Variants in IL7 observed in about 807,000 individuals in gnomAD.
IL7 encodes the protein interleukin 7, also known as interleukin-7.
IL7 carries 3 observed loss-of-function variants against 21.6 expected under a neutral mutation model. That is an observed-to-expected ratio of 0.14 (90% confidence interval 0.06 to 0.36). IL7 has a LOEUF of 0.36. Ranked by LOEUF, IL7 falls within the 10% of genes least tolerant of loss-of-function variation. The pLI is 1.00. For missense variants in IL7, 175 were observed against 200.2 expected (o/e 0.87, Z 0.76); for synonymous variants, 62 against 68.1 (o/e 0.91, Z 0.44).
chr8:78,750,580 T>G (rs975810814), intron 2 of IL7, among the ~76,000 whole-genome samples: 1 of 152,146 alleles, frequency 6.6e-6, no homozygotes, highest in Non-Finnish European at 1.5e-5. Context: ...TCCCAGCACT[T>G]TGAGAGGCCA....
intron 4 of IL7, chr8:78,678,425 T>C: frequency 3.1e-6 from 2 of 654,978 alleles, no homozygotes; most frequent in Non-Finnish European, 5.3e-6. Flanking sequence ...GCAAGGTGTA[T>C]CTTATTTATT....
chr8:78,773,152 G>T (rs1337473168), intron 2 of IL7, among the ~76,000 whole-genome samples: 1 of 152,040 alleles, frequency 6.6e-6, no homozygotes, highest in Non-Finnish European at 1.5e-5. Flanking sequence ...ACAAAGCACG[G>T]ACCAGTCCTG....
In IL7 at chr8:78,693,594, G is replaced by A. The variant is rs1586006045; in HGVS notation, n.215-7647C>T. On this transcript the variant is annotated intron_variant and non_coding_transcript_variant, in intron 3 of 4. Coordinates refer to the IL7 transcript ENST00000523959. ...TGATGGGGTTGTTTGTTTTTTTCTT[G>A]TAAATTTGTTGGAGTTCATTGTAGA... Among the ~76,000 whole-genome samples the A allele has an allele frequency of 2.0e-5, 3 of 151,998 alleles. No homozygotes were observed. In the South Asian group the frequency reaches 6.2e-4, roughly 32 times the overall value.
chr8:78,682,994 C>T (rs1563623936), intron 4 of IL7, among the ~76,000 whole-genome samples: 1 of 152,346 alleles, frequency 6.6e-6, no homozygotes, highest in East Asian at 1.9e-4. Flanking sequence ...CCTTTGACTC[C>T]ATGTCTCACA....
At chr8:78,712,108 T>G in intron 3 of IL7, 1 of 1,273,016 alleles carries the variant, frequency 7.9e-7, no homozygotes. Context: ...TATTTACAAG[T>G]AAGTATTTGT....
At chr8:78,792,830 C>T (rs1019584370) in intron 2 of IL7, among the ~76,000 whole-genome samples, 10 of 152,024 alleles carry the variant, frequency 6.6e-5, no homozygotes, top group South Asian at 2.1e-4. Flanking sequence ...CTGATAGAAA[C>T]GCAAATGGTG....
At chr8:78,758,181 A>G (rs1239717310) in intron 2 of IL7, among the ~76,000 whole-genome samples, 4 of 152,096 alleles carry the variant, frequency 2.6e-5, no homozygotes, top group African/African-American at 9.7e-5. Flanking sequence ...TTGGCAGCAT[A>G]TAATTGGGTC....
At chr8:78,720,226 CTG>C (rs1218531539) in intron 5 of IL7, among the ~76,000 whole-genome samples, 2 of 151,584 alleles carry the variant, frequency 1.3e-5, no homozygotes. Flanking sequence ...AGTAGAAGCT[CTG>C]GAGATGAAAA....
At chr8:78,708,418 C>G (rs2130590946) in intron 3 of IL7, among the ~76,000 whole-genome samples, 1 of 152,128 alleles carries the variant, frequency 6.6e-6, no homozygotes, top group East Asian at 1.9e-4. Context: ...TGCCTCACAC[C>G]TGTAATCCCA....
chr8:78,763,361 T>C (rs946580498), intron 2 of IL7, among the ~76,000 whole-genome samples: 5 of 152,348 alleles, frequency 3.3e-5, no homozygotes, highest in African/African-American at 9.6e-5. Context: ...GATAAAAGGT[T>C]AGGAGGGAGA....
intron 2 of IL7, among the ~76,000 whole-genome samples, chr8:78,794,598 T>C (rs1813795386): frequency 1.3e-5 from 2 of 152,140 alleles, no homozygotes; most frequent in South Asian, 2.1e-4. Context: ...TGTTGTTTAG[T>C]GTAGCCACTT....
chr8:78,761,327 C>A (rs1812548482), intron 2 of IL7: 3 of 1,611,464 alleles, frequency 1.9e-6, no homozygotes, highest in Admixed American at 3.3e-5. Flanking sequence ...TTTTGCCAAC[C>A]ACATATTTAA....
At chr8:78,691,885 T>C (rs914125019) in intron 3 of IL7, among the ~76,000 whole-genome samples, 3 of 152,126 alleles carry the variant, frequency 2.0e-5, no homozygotes, top group African/African-American at 7.2e-5. Flanking sequence ...TACTGCCTTA[T>C]TTATATATTT....
At chr8:78,701,430 C>T (rs986929910) in intron 3 of IL7, among the ~76,000 whole-genome samples, 1 of 152,182 alleles carries the variant, frequency 6.6e-6, no homozygotes, top group Non-Finnish European at 1.5e-5. Flanking sequence ...ATGATCATGT[C>T]ATCTGCCAGC....
At chr8:78,716,599 T>C (rs1014105078), downstream of IL7, among the ~76,000 whole-genome samples, 4 of 152,202 alleles carry the variant, frequency 2.6e-5, no homozygotes, top group Admixed American at 2.6e-4. Context: ...TAAGGATCTC[T>C]ATCTTTCCTC....
intron 2 of IL7, among the ~76,000 whole-genome samples, chr8:78,755,169 A>C (rs1388996316): frequency 6.6e-6 from 1 of 151,918 alleles, no homozygotes; most frequent in East Asian, 1.9e-4. Context: ...TGGCTTCTCT[A>C]TTCCATTCCC....
At chr8:78,746,246 C>G (rs941548077) in intron 2 of IL7, among the ~76,000 whole-genome samples, 7 of 152,186 alleles carry the variant, frequency 4.6e-5, no homozygotes, top group African/African-American at 1.4e-4. Flanking sequence ...TGGAAGCTGC[C>G]TAACCGGGAG....
At chr8:78,780,098 T>C (rs1813279163) in intron 2 of IL7, among the ~76,000 whole-genome samples, 2 of 152,306 alleles carry the variant, frequency 1.3e-5, no homozygotes, top group South Asian at 4.1e-4. Flanking sequence ...CTTATCGTTT[T>C]ATTGTGTATA....
intron 2 of IL7, among the ~76,000 whole-genome samples, chr8:78,797,231 A>G (rs768784568): frequency 2.0e-5 from 3 of 151,980 alleles, no homozygotes; most frequent in Non-Finnish European, 4.4e-5. Flanking sequence ...TAAACAAATC[A>G]GTGGTTACTA....
Sources: gnomAD v4.1 joint callset for allele counts (sites outside exome capture counted in the v4.1 genomes callset) on GRCh38, gnomAD v4.1.1 for gene constraint, MANE v1.5 for transcripts, NCBI Gene and HGNC (gene_info 2026-07-23, HGNC 2026-07-21) for gene names.